ALK: variants seen among roughly 807,000 people sequenced by gnomAD.
The protein encoded by ALK is ALK tyrosine kinase receptor.
In ALK, 74 loss-of-function variants were observed where a neutral mutation model predicts 163.1. The observed-to-expected ratio is 0.45, with a 90% CI of 0.38 to 0.55. The LOEUF is 0.55. ALK is among the 20% of genes least tolerant of loss of function. The pLI is 0.00. For synonymous variants in ALK, 960 were observed against 843.2 expected, an observed-to-expected ratio of 1.14 and a Z score of -2.40; for missense variants, 2,063 against 2,105.3, an observed-to-expected ratio of 0.98 and a Z score of 0.39.
chr2:29,664,071 C>T (rs1336638682), intron 3 of ALK, among the ~76,000 whole-genome samples: 3 of 152,118 alleles, frequency 2.0e-5, no homozygotes, highest in African/African-American at 7.2e-5. Context: ...CAGTTCTTCC[C>T]AGGTAAAACC....
intron 3 of ALK, among the ~76,000 whole-genome samples, chr2:29,620,485 CTT>C (rs10707440): frequency 2.2e-5 from 3 of 137,588 alleles, no homozygotes; most frequent in African/African-American, 5.5e-5. Flanking sequence ...ATACTTTTCT[CTT>C]TTTTTTTGCG....
chr2:29,605,644 C>T (rs756617874), intron 3 of ALK, among the ~76,000 whole-genome samples: 13 of 152,130 alleles, frequency 8.5e-5, no homozygotes, highest in Admixed American at 4.6e-4. Flanking sequence ...TGGCCGTCTA[C>T]GAGCCAGGAA....
At chr2:29,329,095 A>G (rs1534546) in intron 5 of ALK, among the ~76,000 whole-genome samples, 57,823 of 151,964 alleles carry the variant, frequency 0.38, 11,553 homozygotes, top group African/African-American at 0.5. Context: ...CCCCTGTCCC[A>G]TCCTCTATCA....
chr2:29,524,094 C>T (rs941255791), intron 4 of ALK, among the ~76,000 whole-genome samples: 1 of 152,110 alleles, frequency 6.6e-6, no homozygotes, highest in Non-Finnish European at 1.5e-5. Context: ...ATTGGAGACT[C>T]TTCTGTGATC....
At chr2:29,363,688 A>AC (rs1213897430) in intron 5 of ALK, among the ~76,000 whole-genome samples, 1 of 152,238 alleles carries the variant, frequency 6.6e-6, no homozygotes, top group Non-Finnish European at 1.5e-5. Context: ...AGTGATGGAC[A>AC]CATTTTAAAA....
chr2:29,412,174 A>G (rs1391846161), intron 4 of ALK, among the ~76,000 whole-genome samples: 1 of 152,188 alleles, frequency 6.6e-6, no homozygotes, highest in East Asian at 1.9e-4. Flanking sequence ...TGATCTTGGG[A>G]TGAAAATCAC....
chr2:29,655,710 C>T (rs1677165239), intron 3 of ALK, among the ~76,000 whole-genome samples: 1 of 152,184 alleles, frequency 6.6e-6, no homozygotes, highest in Admixed American at 6.5e-5. Flanking sequence ...AAAATCAGCT[C>T]ACAAACATGG....
intron 4 of ALK, among the ~76,000 whole-genome samples, chr2:29,514,913 C>T (rs1252993114): frequency 1.3e-5 from 2 of 152,188 alleles, no homozygotes; most frequent in Admixed American, 1.3e-4. Flanking sequence ...CTCCAACTGA[C>T]TTGCAGTTCC....
At chr2:29,473,391 T>C (rs187850119) in intron 4 of ALK, among the ~76,000 whole-genome samples, 32 of 152,360 alleles carry the variant, frequency 2.1e-4, no homozygotes, top group Admixed American at 7.8e-4. Flanking sequence ...ATTTATGATA[T>C]CAAGGTAAGT....
intron 4 of ALK, among the ~76,000 whole-genome samples, chr2:29,445,590 A>G (rs1558327274): frequency 6.6e-6 from 1 of 152,110 alleles, no homozygotes; most frequent in African/African-American, 2.4e-5. Context: ...AGGGGGGTGG[A>G]TCACCTGAGG....
At chr2:29,870,536 G>A (rs1005171506) in intron 1 of ALK, among the ~76,000 whole-genome samples, 3 of 152,126 alleles carry the variant, frequency 2.0e-5, no homozygotes, top group African/African-American at 4.8e-5. Context: ...TGGGGACATA[G>A]AGCCAAACCA....
In ALK at chr2:29,196,858, T is replaced by C. The variant is rs748787875; in HGVS notation, c.4076A>G (p.Tyr1359Cys). 3.7e-6 allele frequency: 6 copies of C among 1,610,304 alleles called. No individual in the cohort carries two copies. The Admixed American group carries it at 8.3e-5, about 22-fold the overall frequency. Reference sequence around the variant, plus strand: ...TTGCCAGCACTGAGTCATTATCCGGTATCTAAAAGAAGAAGCACATTAATT... The same window carrying C: ...TTGCCAGCACTGAGTCATTATCCGGCATCTAAAAGAAGAAGCACATTAATT... Reference protein sequence around the residue: ...DPPKNCPGPVYRIMTQCWQHQ... With the variant: ...DPPKNCPGPVCRIMTQCWQHQ... Residue 1359 changes from tyrosine (Y) to cysteine (C), a missense_variant and splice_region_variant, in exon 28 of 29, where the codon TAC becomes TGC. Transcript: ENST00000389048.
At chr2:29,474,600 A>G (rs1049015948) in intron 4 of ALK, among the ~76,000 whole-genome samples, 1 of 152,220 alleles carries the variant, frequency 6.6e-6, no homozygotes, top group Non-Finnish European at 1.5e-5. Flanking sequence ...TCTATTTAAA[A>G]TCACATGTAG....
chr2:29,215,673 GAAGA>G (rs1274401931), intron 23 of ALK, among the ~76,000 whole-genome samples: 2 of 133,718 alleles, frequency 1.5e-5, no homozygotes, highest in African/African-American at 5.4e-5. Flanking sequence ...AGTTAAAATG[GAAGA>G]GAGAGTGCCT....
At chr2:29,394,542 A>G (rs1263211685) in intron 4 of ALK, among the ~76,000 whole-genome samples, 1 of 152,124 alleles carries the variant, frequency 6.6e-6, no homozygotes, top group African/African-American at 2.4e-5. Flanking sequence ...GAGAGGGGAG[A>G]GAGTGTGGAT....
chr2:29,752,809 C>G (rs1680410576), intron 1 of ALK, among the ~76,000 whole-genome samples: 1 of 152,152 alleles, frequency 6.6e-6, no homozygotes, highest in African/African-American at 2.4e-5. Context: ...ACAGTCTTGT[C>G]ATCTGAGCCA....
chr2:29,372,542 G>A (rs1398205518), intron 5 of ALK, among the ~76,000 whole-genome samples: 1 of 152,172 alleles, frequency 6.6e-6, no homozygotes, highest in African/African-American at 2.4e-5. Context: ...TTTTCCACTA[G>A]GTTCCAGGCA....
intron 4 of ALK, among the ~76,000 whole-genome samples, chr2:29,411,414 A>G (rs112646189): frequency 0.029 from 3,594 of 124,008 alleles, 157 homozygotes; most frequent in African/African-American, 0.098. Context: ...TGCACGATGA[A>G]CATTCCTCTC....
At chr2:29,638,570 C>A (rs1229101360) in intron 3 of ALK, among the ~76,000 whole-genome samples, 2 of 152,068 alleles carry the variant, frequency 1.3e-5, no homozygotes, top group Non-Finnish European at 2.9e-5. Flanking sequence ...GGCATGTACA[C>A]CAAGGATGTG....
Sources: allele counts gnomAD v4.1 joint callset (sites outside exome capture counted in the v4.1 genomes callset), GRCh38; gene constraint gnomAD v4.1.1; transcripts MANE v1.5; gene names NCBI Gene and HGNC (gene_info 2026-07-23, HGNC 2026-07-21).